USP53: variants seen among roughly 807,000 people sequenced by gnomAD.
USP53 encodes the protein ubiquitin specific peptidase 53, also known as ubiquitin carboxyl-terminal hydrolase 53.
Under a neutral mutation model 94.9 loss-of-function variants are expected in USP53, and 71 were observed. The ratio of observed to expected loss-of-function variants is 0.75; its 90% CI spans 0.62 to 0.91. The LOEUF is 0.91. Ranked by LOEUF, USP53 falls within the 40% of genes least tolerant of loss-of-function variation. USP53 has a pLI of 0.00. For synonymous variants in USP53, 375 were observed against 422.7 expected (o/e 0.89, Z 1.39); for missense variants, 1,173 against 1,281.0 (o/e 0.92, Z 1.29).
At chr4:119,247,334 C>T (rs1748385483) in intron 6 of USP53, among the ~76,000 whole-genome samples, 1 of 152,130 alleles carries the variant, frequency 6.6e-6, no homozygotes, top group Non-Finnish European at 1.5e-5. Flanking sequence ...AAAGTCTTCT[C>T]ATTGTTATTC....
chr4:119,227,299 A>ACACAC (rs1491380548), intron 3 of USP53, among the ~76,000 whole-genome samples: 11 of 145,792 alleles, frequency 7.5e-5, no homozygotes, highest in South Asian at 2.2e-4. Flanking sequence ...ACACACACAC[A>ACACAC]AACTTGAAAT....
rs536704714 is a variant in USP53 at position 119,292,486 on chromosome 4, A to G, written c.2497A>G (p.Ile833Val). The change falls in exon 19 of 19, where the codon ATA becomes GTA. Residue 833 changes from isoleucine to valine, a missense_variant. Transcript: ENST00000692078. ...ATGCAAATTTTCTGAGTGGCTTAAT[A>G]TAGAAAATTCTGAGAGAACAGGTTT... ...NECKFSEWLN[I>V]ENSERTGLPF... The G allele has an allele frequency of 6.2e-6, 10 of 1,614,058 alleles. No homozygotes were observed. Among genetic ancestry groups the G allele is most frequent in the East Asian group, 4.5e-5 (2 of 44,878 alleles).
Position 119,248,791 on chromosome 4 carries a change from C to A in USP53, c.281C>A (p.Pro94His). 1 of 1,614,014 alleles carries A rather than the reference C, an allele frequency of 6.2e-7. No individual in the cohort carries two copies. The highest frequency in any genetic ancestry group is 1.3e-5 in the African/African-American group (1 of 75,032). ...CAACACAGTCGAGAAAAAGCACTTCCCTCAGATAACATAAGGCATGCTCTT... is the reference window on the plus strand; with the variant it reads ...CAACACAGTCGAGAAAAAGCACTTCACTCAGATAACATAAGGCATGCTCTT... The part of the protein sequence containing the change: ...QFQHSREKAL[P>H]SDNIRHALAE... Residue 94 changes from proline (P) to histidine (H), a missense_variant, in exon 7 of 19, where the codon CCC becomes CAC. Pro to His is a moderately conservative substitution (Grantham distance 77, BLOSUM62 -2). Coordinates refer to ENST00000692078, the MANE Select transcript of USP53 (RefSeq NM_001371395.1).
chr4:119,252,033 A>T (rs1359880299), intron 7 of USP53, among the ~76,000 whole-genome samples: 1 of 152,124 alleles, frequency 6.6e-6, no homozygotes, highest in Non-Finnish European at 1.5e-5. Flanking sequence ...GATGGATTAC[A>T]TTTATTGATT....
chr4:119,232,768 A>G (rs1301178704), intron 3 of USP53, among the ~76,000 whole-genome samples: 3 of 152,096 alleles, frequency 2.0e-5, no homozygotes, highest in South Asian at 2.1e-4. Context: ...ACCTATAATC[A>G]TGTCACATTT....
At chr4:119,280,185 G>T (rs960501293) in intron 17 of USP53, among the ~76,000 whole-genome samples, 1 of 151,608 alleles carries the variant, frequency 6.6e-6, no homozygotes. Flanking sequence ...GATAGCATTA[G>T]ATTGCTTCCT....
At chr4:119,280,127 C>T (rs866185789) in intron 17 of USP53, among the ~76,000 whole-genome samples, 8 of 152,264 alleles carry the variant, frequency 5.3e-5, no homozygotes, top group East Asian at 1.9e-4. Flanking sequence ...GCTCCTCCCC[C>T]GTTTGCAGCC....
intron 3 of USP53, among the ~76,000 whole-genome samples, chr4:119,221,861 GGAGA>G: frequency 6.6e-6 from 1 of 152,180 alleles, no homozygotes; most frequent in Non-Finnish European, 1.5e-5. Flanking sequence ...GCAGAGCAAA[GGAGA>G]GAGGGGGATG....
At position 119,271,219 on chromosome 4, in the gene USP53, C is replaced by T. The variant is rs546611294; in HGVS notation, c.1436-77C>T. 4.7e-6 allele frequency: 7 copies of T among 1,493,624 alleles called. No individual in the cohort carries two copies. In the Admixed American group the frequency reaches 1.3e-4, roughly 27 times the overall value. 92.5% of individuals were successfully genotyped at this position (1,493,624 alleles called of 1,614,324 possible). ...CCTAAAACTCTTTAACATTTTATCTCTAACAGGTATTTGCCTTGTGACTAC... is the reference window on the plus strand; with the variant it reads ...CCTAAAACTCTTTAACATTTTATCTTTAACAGGTATTTGCCTTGTGACTAC... On this transcript the variant is annotated intron_variant, in intron 15 of 18. Transcript: ENST00000692078.
chr4:119,239,087 G>T (rs1047934324), intron 4 of USP53, 131 bp from the exon 5 acceptor site: 23 of 151,994 alleles, frequency 1.5e-4, no homozygotes, highest in Non-Finnish European at 2.9e-4. Context: ...ATTTATATTA[G>T]AATGCTATCA....
chr4:119,285,244 A>T (rs1375145415), intron 17 of USP53, among the ~76,000 whole-genome samples: 1 of 151,818 alleles, frequency 6.6e-6, no homozygotes. Flanking sequence ...ATTAGTGTGT[A>T]TTTGTGTTAG....
At chr4:119,259,040 A>G (rs6534131) in intron 9 of USP53, among the ~76,000 whole-genome samples, 99,162 of 151,960 alleles carry the variant, frequency 0.65, 32,415 homozygotes, top group East Asian at 0.7. Context: ...CAGCACTTTG[A>G]GAGTCCGAGG....
In USP53 at chr4:119,275,564, T is replaced by C. The variant is rs568493342; in HGVS notation, c.2251+1856T>C. Among the ~76,000 whole-genome samples, 612 of 150,118 alleles carry C rather than the reference T, an allele frequency of 4.1e-3. 3 individuals carry two copies. Among genetic ancestry groups the C allele is most frequent in the Non-Finnish European group, 6.0e-3 (404 of 67,400 alleles). On this transcript the variant is annotated intron_variant, in intron 17 of 18. Transcript: ENST00000692078. ...CCAGCTTTGTTCTTTTGGCTTAGGA[T>C]TGACTTGGCGATGCGGGCTCTTTTT...
intron 3 of USP53, among the ~76,000 whole-genome samples, chr4:119,230,339 G>A (rs62328369): frequency 0.22 from 34,059 of 152,044 alleles, 4,463 homozygotes; most frequent in Admixed American, 0.32. Context: ...AAAAACACTT[G>A]TGTTTTCCTC....
chr4:119,227,367 T>C lies in USP53; in HGVS notation c.-664-7923T>C, dbSNP rs550053598. On this transcript the variant is annotated intron_variant, in intron 3 of 18. Transcript: ENST00000692078. ...TTAAAACCTCTACAGGGCCGGGCGC[T>C]GTGGCTCACGCCTGTAATCCCAGCA... Among the ~76,000 whole-genome samples, 4 of 151,196 alleles carry C rather than the reference T, an allele frequency of 2.6e-5. No individual in the cohort carries two copies. In the South Asian group the frequency reaches 8.4e-4, roughly 32 times the overall value.
chr4:119,256,950 C>T (rs558938882), intron 9 of USP53, among the ~76,000 whole-genome samples: 3 of 152,148 alleles, frequency 2.0e-5, no homozygotes, highest in South Asian at 2.1e-4. Flanking sequence ...AAAATGTGAG[C>T]GTAATTCTCA....
At chr4:119,268,219 C>G in intron 13 of USP53, 49 bp from the exon 14 acceptor site, 11 of 1,345,548 alleles carry the variant, frequency 8.2e-6, no homozygotes, top group Non-Finnish European at 1.1e-5. Context: ...TCAAACATCT[C>G]TTCTCATGGG....
intron 15 of USP53, 166 bp from the exon 16 acceptor site, chr4:119,271,130 A>G (rs1751798108): frequency 1.2e-6 from 1 of 819,244 alleles, no homozygotes; most frequent in African/African-American, 1.9e-5. Context: ...AGCATACACA[A>G]GGACTGGAAA....
intron 6 of USP53, among the ~76,000 whole-genome samples, chr4:119,248,004 C>A (rs940672907): frequency 2.0e-5 from 3 of 151,440 alleles, no homozygotes; most frequent in Non-Finnish European, 4.4e-5. Context: ...ATGACATGAC[C>A]CTTTGAGCTA....
Sources: gnomAD v4.1 joint callset for allele counts (sites outside exome capture counted in the v4.1 genomes callset) on GRCh38, gnomAD v4.1.1 for gene constraint, MANE v1.5 for transcripts, NCBI Gene and HGNC (gene_info 2026-07-23, HGNC 2026-07-21) for gene names.